Variants in INTS6 observed in about 807,000 individuals in gnomAD.
INTS6 encodes integrator complex subunit 6.
In INTS6, 16 loss-of-function variants were observed where a neutral mutation model predicts 104.9. The observed-to-expected ratio is 0.15, with a 90% CI of 0.10 to 0.23. The LOEUF is 0.23. Among genes scored for constraint, INTS6 ranks in the 10% least tolerant of loss-of-function variants. The pLI, the probability that INTS6 is intolerant of heterozygous loss-of-function variation, is 1.00. For synonymous variants in INTS6, 324 were observed against 358.7 expected (o/e 0.90, Z 1.09); for missense variants, 584 against 1,062.8 (o/e 0.55, Z 6.26).
At chr13:51,421,797 T>C (rs1339199121) in intron 4 of INTS6, among the ~76,000 whole-genome samples, 4 of 152,096 alleles carry the variant, frequency 2.6e-5, no homozygotes, top group Non-Finnish European at 5.9e-5. Context: ...TGCCAATCTA[T>C]TAAATAAAAA....
intron 3 of INTS6, chr13:51,444,360 C>G (rs1407591846): frequency 6.7e-6 from 1 of 148,994 alleles, no homozygotes; most frequent in Non-Finnish European, 1.5e-5. Flanking sequence ...CTGCTTTAGC[C>G]TCCCAAAGTG....
chr13:51,445,873 T>A (rs1380827928), intron 3 of INTS6: 2 of 152,182 alleles, frequency 1.3e-5, no homozygotes, highest in Non-Finnish European at 2.9e-5. Context: ...AAACTGGATA[T>A]CCACATGCAA....
intron 6 of INTS6, among the ~76,000 whole-genome samples, 186 bp from the exon 7 acceptor site, chr13:51,387,726 T>G (rs1203208621): frequency 6.6e-6 from 1 of 152,166 alleles, no homozygotes; most frequent in Non-Finnish European, 1.5e-5. Context: ...TTGTAATTCA[T>G]TAGACAATAA....
At chr13:51,344,477 A>G in the INTS6 span, 1 of 1,578,136 alleles carries the variant, frequency 6.3e-7, no homozygotes, top group Admixed American at 1.8e-5. Flanking sequence ...GCCTCCAGAG[A>G]GACTGCAGGT....
intron 4 of INTS6, among the ~76,000 whole-genome samples, chr13:51,416,823 T>C (rs1395748654): frequency 4.6e-5 from 7 of 152,230 alleles, no homozygotes; most frequent in Non-Finnish European, 7.4e-5. Flanking sequence ...AGCAGCTGCA[T>C]CATTTTACAT....
chr13:51,398,792 T>G (rs1956385081), intron 4 of INTS6, among the ~76,000 whole-genome samples: 1 of 149,732 alleles, frequency 6.7e-6, no homozygotes, highest in Non-Finnish European at 1.5e-5. Context: ...CGGGAAACAA[T>G]TTAGAAGTCC....
intron 4 of INTS6, among the ~76,000 whole-genome samples, chr13:51,427,967 A>G (rs1301477414): frequency 1.3e-5 from 2 of 152,202 alleles, no homozygotes; most frequent in African/African-American, 4.8e-5. Flanking sequence ...AAGGTGAGCA[A>G]TTCCAATACA....
intron 5 of INTS6, among the ~76,000 whole-genome samples, chr13:51,390,829 C>T (rs75059609): frequency 0.011 from 1,728 of 152,108 alleles, 26 homozygotes; most frequent in East Asian, 0.07. Flanking sequence ...TGAGTATCTA[C>T]GTGCCTGGCA....
chr13:51,438,660 C>T (rs972115522), intron 3 of INTS6: 5 of 152,232 alleles, frequency 3.3e-5, no homozygotes, highest in Non-Finnish European at 5.9e-5. Flanking sequence ...TAGGCCTGAT[C>T]TTGTGGATGC....
At chr13:51,355,101 G>A (rs574559050) in intron 3 of INTS6, 4 of 1,549,238 alleles carry the variant, frequency 2.6e-6, no homozygotes, top group Non-Finnish European at 3.5e-6. Flanking sequence ...GGGAGTCACC[G>A]ATCTTTTTGA....
At chr13:51,411,939 C>T (rs1207942327) in intron 4 of INTS6, among the ~76,000 whole-genome samples, 1 of 152,162 alleles carries the variant, frequency 6.6e-6, no homozygotes, top group Non-Finnish European at 1.5e-5. Context: ...GATAAGCAAA[C>T]TGTAGTATAG....
In INTS6 at chr13:51,364,952, G is replaced by C. The variant is rs1955657741; in HGVS notation, c.*800C>G. ...TCCAAAGTTGTTTGCTTTTTAAATAGCTTTTAAAGTATCTGTCTATCTGCC... is the reference window on the plus strand; with the variant it reads ...TCCAAAGTTGTTTGCTTTTTAAATACCTTTTAAAGTATCTGTCTATCTGCC... On this transcript the variant is annotated 3_prime_UTR_variant, in exon 18 of 18. Coordinates refer to ENST00000311234, the MANE Select transcript of INTS6 (RefSeq NM_012141.3). The C allele has an allele frequency of 1.3e-5, 2 of 152,448 alleles. No individual in the cohort carries two copies. Among genetic ancestry groups the C allele is most frequent in the South Asian group, 4.1e-4 (2 of 4,832 alleles). 9.4% of individuals were successfully genotyped at this position (152,448 alleles called of 1,614,324 possible). A position where few individuals can be genotyped will look rare whatever the true frequency, so the allele number is the denominator to read the frequency against.
chr13:51,445,384 A>T (rs1031554675), intron 3 of INTS6: 6 of 152,258 alleles, frequency 3.9e-5, no homozygotes, highest in African/African-American at 1.2e-4. Context: ...AGCATGTAAT[A>T]ATCAGCTTTG....
chr13:51,336,424 T>C, the INTS6 span, among the ~76,000 whole-genome samples: 1 of 152,024 alleles, frequency 6.6e-6, no homozygotes, highest in Non-Finnish European at 1.5e-5. Context: ...GAGGCAGAGG[T>C]TGCAGTGAGC....
intron 4 of INTS6, among the ~76,000 whole-genome samples, chr13:51,416,414 T>C (rs1471910479): frequency 6.6e-6 from 1 of 152,236 alleles, no homozygotes; most frequent in African/African-American, 2.4e-5. Context: ...CCCAAGCCTC[T>C]GGCAACCACT....
intron 12 of INTS6, 38 bp downstream of exon 12, chr13:51,378,199 CAG>C: frequency 7.1e-7 from 1 of 1,412,924 alleles, no homozygotes; most frequent in South Asian, 1.2e-5. Context: ...AGTAACATAA[CAG>C]AACATAACTA....
At chr13:51,360,878 C>T (rs115704651), downstream of INTS6, among the ~76,000 whole-genome samples, 205 of 152,068 alleles carry the variant, frequency 1.3e-3, 1 homozygote, top group African/African-American at 4.8e-3. Flanking sequence ...TCCCGGGCTA[C>T]AGAATCTGCA....
chr13:51,427,036 T>TA (rs1416282806), intron 4 of INTS6, among the ~76,000 whole-genome samples: 3 of 152,102 alleles, frequency 2.0e-5, no homozygotes, highest in African/African-American at 4.8e-5. Flanking sequence ...CCTCATATGA[T>TA]ATAAGGATGA....
intron 13 of INTS6, 47 bp downstream of exon 13, chr13:51,375,999 CTA>C (rs3831047): frequency 0.012 from 18,724 of 1,499,424 alleles, 284 homozygotes; most frequent in East Asian, 0.067. Flanking sequence ...CTTTTTCAGA[CTA>C]TAAAGAAAAA....
Sources: allele counts gnomAD v4.1 joint callset (sites outside exome capture counted in the v4.1 genomes callset), GRCh38; gene constraint gnomAD v4.1.1; transcripts MANE v1.5; gene names NCBI Gene and HGNC (gene_info 2026-07-23, HGNC 2026-07-21).